The following LRFN5 variants were observed in gnomAD, a reference collection of about 807,000 sequenced individuals.
LRFN5 encodes the protein leucine rich repeat and fibronectin type III domain containing 5, also known as leucine-rich repeat and fibronectin type-III domain-containing protein 5.
In LRFN5, 24 loss-of-function variants were observed where a neutral mutation model predicts 45.6. That is an observed-to-expected ratio of 0.53 (90% confidence interval 0.38 to 0.74). The LOEUF (loss-of-function observed/expected upper bound fraction) is 0.74, where lower values mean the gene tolerates loss of function less well. Among genes scored for constraint, LRFN5 ranks in the 30% least tolerant of loss-of-function variants. LRFN5 has a pLI of 0.00. For missense variants in LRFN5, 776 were observed against 861.5 expected (o/e 0.90, Z 1.24); for synonymous variants, 340 against 313.8 (o/e 1.08, Z -0.88).
At chr14:41,612,154 T>G (rs1462849351) in intron 1 of LRFN5, among the ~76,000 whole-genome samples, 2 of 152,180 alleles carry the variant, frequency 1.3e-5, no homozygotes, top group Non-Finnish European at 2.9e-5. Flanking sequence ...AGATCTTGCT[T>G]TCTGCTGACC....
At chr14:41,843,178 T>G (rs1247822277) in intron 2 of LRFN5, among the ~76,000 whole-genome samples, 25 of 151,454 alleles carry the variant, frequency 1.7e-4, no homozygotes, top group Admixed American at 1.3e-3. Context: ...CTTGAATTAC[T>G]GGGCTCAAGT....
At chr14:41,834,316 G>A (rs912392359) in intron 2 of LRFN5, among the ~76,000 whole-genome samples, 1 of 152,068 alleles carries the variant, frequency 6.6e-6, no homozygotes, top group African/African-American at 2.4e-5. Context: ...ATTTATATGT[G>A]TTGGTTTATT....
intron 1 of LRFN5, among the ~76,000 whole-genome samples, chr14:41,629,567 C>T (rs1888466648): frequency 6.6e-6 from 1 of 152,130 alleles, no homozygotes; most frequent in Non-Finnish European, 1.5e-5. Flanking sequence ...TCAAGGATAA[C>T]TAAATTGTTT....
chr14:41,794,626 G>C (rs2138953208), intron 2 of LRFN5, among the ~76,000 whole-genome samples: 1 of 152,170 alleles, frequency 6.6e-6, no homozygotes, highest in East Asian at 1.9e-4. Context: ...GCTTAGATGT[G>C]AGGGTACTGA....
intron 2 of LRFN5, among the ~76,000 whole-genome samples, chr14:41,770,432 C>G (rs1444748119): frequency 6.6e-6 from 1 of 152,142 alleles, no homozygotes. Flanking sequence ...CACCTATGAG[C>G]CTGTAAAATC....
intron 1 of LRFN5, among the ~76,000 whole-genome samples, chr14:41,668,497 A>G (rs556434903): frequency 1.3e-4 from 19 of 151,924 alleles, no homozygotes; most frequent in South Asian, 4.2e-4. Context: ...CCTATCCCAC[A>G]TTACTACGTA....
chr14:41,870,215 T>A lies in LRFN5; in HGVS notation c.-20-16391T>A, dbSNP rs188297542. The stretch of plus-strand genomic sequence containing the variant: ...ATTCATTTTCTCACTGCTGTAGAAT[T>A]ATGACAGTTTGATTTTTCAAAGCCA... On this transcript the variant is annotated intron_variant, in intron 2 of 5. Transcript: ENST00000298119. Among the ~76,000 whole-genome samples the A allele has an allele frequency of 4.0e-3, 602 of 152,254 alleles. 8 individuals are homozygous for A. Among genetic ancestry groups the A allele is most frequent in the African/African-American group, 0.014 (577 of 41,556 alleles).
intron 1 of LRFN5, among the ~76,000 whole-genome samples, chr14:41,661,228 T>G (rs1880639156): frequency 6.6e-6 from 1 of 151,948 alleles, no homozygotes; most frequent in Non-Finnish European, 1.5e-5. Context: ...TGAAACATAA[T>G]CTAATCACTG....
intron 1 of LRFN5, among the ~76,000 whole-genome samples, chr14:41,704,175 T>C (rs1882952012): frequency 6.6e-6 from 1 of 152,134 alleles, no homozygotes; most frequent in African/African-American, 2.4e-5. Flanking sequence ...TGAATTTAAA[T>C]GAATGCTTTT....
At chr14:41,781,701 A>G in intron 2 of LRFN5, among the ~76,000 whole-genome samples, 1 of 150,900 alleles carries the variant, frequency 6.6e-6, no homozygotes, top group South Asian at 2.1e-4. Flanking sequence ...AGAAAAAGAG[A>G]AAGAAAAAGA....
chr14:41,810,548 AG>A, intron 2 of LRFN5, among the ~76,000 whole-genome samples: 1 of 152,214 alleles, frequency 6.6e-6, no homozygotes, highest in East Asian at 1.9e-4. Flanking sequence ...ATAGGAGAAT[AG>A]TTTTTCATTG....
intron 2 of LRFN5, among the ~76,000 whole-genome samples, chr14:41,819,432 T>C (rs1432895157): frequency 6.6e-6 from 1 of 152,174 alleles, no homozygotes; most frequent in Non-Finnish European, 1.5e-5. Flanking sequence ...AGATGTTATC[T>C]CATTGTGGTT....
rs553150014 is a variant in LRFN5, at chr14:41,682,265, TAA to T, written c.-197+73704_-197+73705del. The stretch of plus-strand genomic sequence containing the variant: ...CATCTTAAAATAATAATAATAATAA[TAA>T]TAATTATGACAACAACGACTTGTCA... On this transcript the variant is annotated intron_variant, in intron 1 of 5. Coordinates refer to ENST00000298119, the MANE Select transcript of LRFN5 (RefSeq NM_152447.5). Among the ~76,000 whole-genome samples the T allele has an allele frequency of 9.8e-3, 1,492 of 151,794 alleles. 6 individuals carry two copies. Among genetic ancestry groups the T allele is most frequent in the East Asian group, 0.02 (101 of 5,162 alleles).
At chr14:41,670,383 T>C in intron 1 of LRFN5, among the ~76,000 whole-genome samples, 1 of 146,632 alleles carries the variant, frequency 6.8e-6, no homozygotes, top group East Asian at 2.0e-4. Context: ...TATATGAGCA[T>C]AGAGATGAGA....
chr14:41,618,381 C>T (rs1237228503), intron 1 of LRFN5, among the ~76,000 whole-genome samples: 1 of 152,162 alleles, frequency 6.6e-6, no homozygotes. Context: ...AATTTTCAAG[C>T]CTAATCCTCC....
At chr14:41,898,190 A>G (rs2139175577) in intron 4 of LRFN5, among the ~76,000 whole-genome samples, 1 of 152,060 alleles carries the variant, frequency 6.6e-6, no homozygotes, top group Admixed American at 6.6e-5. Context: ...CTTATCCTTT[A>G]CTCCTAGTTT....
chr14:41,781,680 A>C (rs576100940), intron 2 of LRFN5, among the ~76,000 whole-genome samples: 2 of 151,138 alleles, frequency 1.3e-5, no homozygotes, highest in Admixed American at 1.3e-4. Context: ...GAAAGAAAGA[A>C]AGAGAAAGAA....
chr14:41,611,082 A>G (rs948804182), intron 1 of LRFN5, among the ~76,000 whole-genome samples: 1 of 152,096 alleles, frequency 6.6e-6, no homozygotes, highest in Non-Finnish European at 1.5e-5. Context: ...TAAGGACTCG[A>G]TTTTTGCAGG....
chr14:41,900,484 T>G (rs1891070138), intron 5 of LRFN5, among the ~76,000 whole-genome samples: 1 of 152,000 alleles, frequency 6.6e-6, no homozygotes, highest in Non-Finnish European at 1.5e-5. Context: ...CTTTTTATCT[T>G]AAAGTAATTA....
Sources: gnomAD v4.1 joint callset for allele counts (sites outside exome capture counted in the v4.1 genomes callset) on GRCh38, gnomAD v4.1.1 for gene constraint, MANE v1.5 for transcripts, NCBI Gene and HGNC (gene_info 2026-07-23, HGNC 2026-07-21) for gene names.